SELENOI: variants seen among roughly 807,000 people sequenced by gnomAD.
The protein encoded by SELENOI is ethanolaminephosphotransferase 1.
Under a neutral mutation model 50.7 loss-of-function variants are expected in SELENOI, and 24 were observed. The ratio of observed to expected loss-of-function variants is 0.47; its 90% CI spans 0.34 to 0.67. SELENOI has a LOEUF of 0.67. Ranked by LOEUF, SELENOI falls within the 30% of genes least tolerant of loss-of-function variation. SELENOI has a pLI of 0.01. For missense variants in SELENOI, 352 were observed against 461.4 expected (o/e 0.76, Z 2.17); for synonymous variants, 155 against 170.2 (o/e 0.91, Z 0.70).
At chr2:26,384,830 C>A in intron 7 of SELENOI, 129 bp from the exon 8 acceptor site, 1 of 582,622 alleles carries the variant, frequency 1.7e-6, no homozygotes, top group Non-Finnish European at 2.7e-6. Flanking sequence ...GATGTTGGTT[C>A]TGTCTATGCC....
At chr2:26,385,230 C>T in intron 8 of SELENOI, 91 bp downstream of exon 8, 2 of 747,040 alleles carry the variant, frequency 2.7e-6, no homozygotes, top group Non-Finnish European at 3.8e-6. Context: ...TTAGAATAAA[C>T]AGATTTTAAC....
At chr2:26,354,533 G>C (rs553550272) in intron 1 of SELENOI, among the ~76,000 whole-genome samples, 2 of 151,954 alleles carry the variant, frequency 1.3e-5, no homozygotes, top group South Asian at 4.2e-4. Context: ...ACTACAGGCG[G>C]CCGCCACCAC....
At chr2:26,386,714 A>G (rs1221580762) in intron 9 of SELENOI, among the ~76,000 whole-genome samples, 178 bp downstream of exon 9, 1 of 152,182 alleles carries the variant, frequency 6.6e-6, no homozygotes, top group Non-Finnish European at 1.5e-5. Context: ...TTAATTTCAG[A>G]TATTGTTTCT....
intron 1 of SELENOI, 45 bp from the exon 2 acceptor site, chr2:26,364,257 G>C: frequency 2.3e-6 from 3 of 1,327,172 alleles, no homozygotes; most frequent in Non-Finnish European, 3.2e-6. Flanking sequence ...CTGTCTACTA[G>C]TAGGCAAGGA....
chr2:26,360,591 A>G (rs368787260), intron 1 of SELENOI, among the ~76,000 whole-genome samples: 64 of 152,220 alleles, frequency 4.2e-4, no homozygotes, highest in African/African-American at 1.4e-3. Flanking sequence ...TTTGTGCACT[A>G]TATTAGGTAT....
chr2:26,371,176 C>G (rs1200237481), intron 4 of SELENOI, among the ~76,000 whole-genome samples: 1 of 151,494 alleles, frequency 6.6e-6, no homozygotes, highest in Non-Finnish European at 1.5e-5. Context: ...ACCTCCCTCC[C>G]GGACGGGGTG....
chr2:26,388,905 C>T (rs781068160), intron 9 of SELENOI, 100 bp from the exon 10 acceptor site: 18 of 867,360 alleles, frequency 2.1e-5, no homozygotes, highest in African/African-American at 3.4e-5. Flanking sequence ...TGATTTTTGC[C>T]GTGTCAATAA....
In SELENOI at chr2:26,367,172, T is replaced by C; in HGVS notation, c.262T>C (p.Trp88Arg). Residue 88 changes from tryptophan to arginine, a missense_variant, in exon 4 of 10, where the codon TGG becomes CGG. Trp to Arg is a moderately radical substitution (Grantham distance 101, BLOSUM62 -3). Transcript: ENST00000260585. ...ACCAGGTCACAAGCACGTGCCTGAC[T>C]GGGTTTGGATTGTAGTGGGCATCCT... ...SAPGHKHVPD[W>R]VWIVVGILNF... 4 of 1,611,164 alleles carry C rather than the reference T, an allele frequency of 2.5e-6. No individual in the cohort carries two copies. Among genetic ancestry groups the C allele is most frequent in the Non-Finnish European group, 3.4e-6 (4 of 1,178,680 alleles).
intron 1 of SELENOI, among the ~76,000 whole-genome samples, chr2:26,362,936 C>A (rs1163334183): frequency 1.3e-5 from 2 of 152,046 alleles, no homozygotes; most frequent in African/African-American, 4.8e-5. Flanking sequence ...TCTTCTTCCC[C>A]ATACCTAGCA....
At position 26,393,920 on chromosome 2, in the gene SELENOI, ATTTAT is replaced by A. The variant is rs1335882517; in HGVS notation, c.*4822_*4826del. The A allele has an allele frequency of 6.6e-6, 1 of 152,248 alleles. No individual in the cohort carries two copies. Among genetic ancestry groups the A allele is most frequent in the Non-Finnish European group, 1.5e-5 (1 of 68,042 alleles). The allele number at this position is 152,248 out of a possible 1,614,324, so 9.4% of individuals were successfully genotyped here. On this transcript the variant is annotated 3_prime_UTR_variant, in exon 10 of 10. Coordinates refer to ENST00000260585, the MANE Select transcript of SELENOI (RefSeq NM_033505.4). ...TCTATGGGTAGCAATTAAAATTAGA[ATTTAT>A]TTTAAGGTTTTTATTAAAATATATA...
rs1471181733 is a variant in SELENOI at position 26,394,082 on chromosome 2, T to C, written c.*4979T>C. On this transcript the variant is annotated 3_prime_UTR_variant, in exon 10 of 10. Coordinates refer to ENST00000260585, the MANE Select transcript of SELENOI (RefSeq NM_033505.4). The surrounding 1 kb of genome is among the most constrained non-coding windows in gnomAD (Gnocchi z 4.1). ...TAACCAAGTTGTAGAAGGAGCCTGT[T>C]ATAATTCTGCAAGATCTGTGAATAG... 1 of 152,256 alleles carries C rather than the reference T, an allele frequency of 6.6e-6. No homozygotes were observed. Among genetic ancestry groups the C allele is most frequent in the East Asian group, 1.9e-4 (1 of 5,206 alleles). 9.4% of individuals were successfully genotyped at this position (152,256 alleles called of 1,614,324 possible).
At chr2:26,351,930 C>G (rs1259494538) in intron 1 of SELENOI, among the ~76,000 whole-genome samples, 2 of 152,120 alleles carry the variant, frequency 1.3e-5, no homozygotes, top group Admixed American at 1.3e-4. Flanking sequence ...TTGCTTGAGC[C>G]CAGTAGTTTG....
At chr2:26,372,669 A>G (rs1677482677) in intron 4 of SELENOI, among the ~76,000 whole-genome samples, 1 of 152,176 alleles carries the variant, frequency 6.6e-6, no homozygotes, top group Non-Finnish European at 1.5e-5. Flanking sequence ...GAGGGGTGAG[A>G]TAAGTTGTGA....
intron 5 of SELENOI, among the ~76,000 whole-genome samples, chr2:26,374,760 G>T: frequency 6.6e-6 from 1 of 151,860 alleles, no homozygotes; most frequent in Non-Finnish European, 1.5e-5. Flanking sequence ...TAGAGATGGG[G>T]TTTCTCCATG....
In SELENOI at chr2:26,373,021, A is replaced by G. The variant is rs1677491369; in HGVS notation, c.311-346A>G. ...TTCCCACCTCAGCCTCCTGAGTAGC[A>G]GGAACTACAGGTGCGCACCACCATG... On this transcript the variant is annotated intron_variant, in intron 4 of 9. Coordinates refer to ENST00000260585, the MANE Select transcript of SELENOI (RefSeq NM_033505.4). Among the ~76,000 whole-genome samples the G allele has an allele frequency of 2.0e-5, 3 of 152,110 alleles. No individual in the cohort carries two copies. The South Asian group carries it at 6.2e-4, about 32-fold the overall frequency.
At chr2:26,349,557 C>T (rs138289264) in intron 1 of SELENOI, among the ~76,000 whole-genome samples, 348 of 152,092 alleles carry the variant, frequency 2.3e-3, no homozygotes, top group African/African-American at 8.1e-3. Context: ...CCACCCACCT[C>T]GGCCTCCCAA....
chr2:26,371,668 G>T (rs895430757), intron 4 of SELENOI, among the ~76,000 whole-genome samples: 2 of 152,246 alleles, frequency 1.3e-5, no homozygotes, highest in African/African-American at 4.8e-5. Context: ...AGACCAGCCC[G>T]GCCAACACAG....
intron 7 of SELENOI, among the ~76,000 whole-genome samples, chr2:26,384,535 C>T (rs1323522193): frequency 1.3e-5 from 2 of 152,192 alleles, no homozygotes; most frequent in Non-Finnish European, 2.9e-5. Flanking sequence ...AGCTGTCTTA[C>T]TCTAAGTTCT....
chr2:26,350,106 C>CA lies in SELENOI; in HGVS notation c.57+3828dup, dbSNP rs5830006. Among the ~76,000 whole-genome samples the CA allele has an allele frequency of 4.8e-4, 68 of 141,454 alleles. No individual in the cohort carries two copies. The East Asian group carries it at 7.0e-3, about 15-fold the overall frequency. The allele number at this position is 141,454 out of a possible 152,430, so 92.8% of individuals were successfully genotyped here. A position where few individuals can be genotyped will look rare whatever the true frequency, so the allele number is the denominator to read the frequency against. ...TGAGCAACAGAGAAAGACCCTGACT[C>CA]AAAAAAAAAAAGTGTGTGTGTATAA... On this transcript the variant is annotated intron_variant, in intron 1 of 9. Coordinates refer to ENST00000260585, the MANE Select transcript of SELENOI (RefSeq NM_033505.4).
Sources: gnomAD v4.1 joint callset for allele counts (sites outside exome capture counted in the v4.1 genomes callset) on GRCh38, gnomAD v4.1.1 for gene constraint, Gnocchi (gnomAD v3.1) non-coding constraint, MANE v1.5 for transcripts, NCBI Gene and HGNC (gene_info 2026-07-23, HGNC 2026-07-21) for gene names.